The following RBMS3 variants were observed in gnomAD, a reference collection of about 807,000 sequenced individuals.
RBMS3 encodes the protein RNA binding motif single stranded interacting protein 3.
In RBMS3, 27 loss-of-function variants were observed where a neutral mutation model predicts 66.8. That is an observed-to-expected ratio of 0.40 (90% CI 0.30 to 0.56). RBMS3 has a LOEUF of 0.56. Ranked by LOEUF, RBMS3 falls within the 20% of genes least tolerant of loss-of-function variation. The probability of loss-of-function intolerance (pLI) is 0.40; values close to 1 mark genes in which losing one functional copy is unlikely to be tolerated. For missense variants in RBMS3, 513 were observed against 549.5 expected (o/e 0.93, Z 0.66); for synonymous variants, 188 against 183.0 (o/e 1.03, Z -0.22).
At chr3:29,624,226 T>C (rs9829697) in intron 4 of RBMS3, among the ~76,000 whole-genome samples, 6,219 of 152,306 alleles carry the variant, frequency 0.041, 380 homozygotes, top group East Asian at 0.31. Context: ...TTTTAAATTA[T>C]TTTAAAGTAG....
chr3:29,421,418 A>T (rs1323184154), intron 1 of RBMS3, among the ~76,000 whole-genome samples: 1 of 152,194 alleles, frequency 6.6e-6, no homozygotes, highest in African/African-American at 2.4e-5. Context: ...ATTTTTTAAA[A>T]ATCTAATTAT....
intron 4 of RBMS3, among the ~76,000 whole-genome samples, chr3:29,648,162 T>A (rs947109502): frequency 1.3e-5 from 2 of 152,114 alleles, no homozygotes; most frequent in African/African-American, 4.8e-5. Context: ...TGGATGGCAT[T>A]CAATTCTCCT....
intron 5 of RBMS3, among the ~76,000 whole-genome samples, chr3:29,744,785 GA>G (rs1553655159): frequency 0.062 from 8,609 of 138,066 alleles, 677 homozygotes; most frequent in African/African-American, 0.19. Flanking sequence ...CTCCGTCTCG[GA>G]AAAAAAAAAA....
chr3:29,822,022 G>T (rs775766427), intron 6 of RBMS3, among the ~76,000 whole-genome samples: 14 of 152,108 alleles, frequency 9.2e-5, no homozygotes, highest in Non-Finnish European at 2.1e-4. Context: ...TTCATTAATT[G>T]GGTCATTACT....
chr3:29,623,771 C>T (rs1052872327), intron 4 of RBMS3, among the ~76,000 whole-genome samples: 1 of 152,138 alleles, frequency 6.6e-6, no homozygotes, highest in African/African-American at 2.4e-5. Context: ...CCTTCATCAT[C>T]TTACTGGACA....
chr3:29,800,730 G>A (rs2057362349), intron 6 of RBMS3, among the ~76,000 whole-genome samples: 1 of 152,072 alleles, frequency 6.6e-6, no homozygotes, highest in South Asian at 2.1e-4. Flanking sequence ...AAAGTAAAGT[G>A]TAAAAACAAA....
rs555814363 is a variant in RBMS3, at chr3:29,996,683, A to G, written c.1307+5474A>G. On this transcript the variant is annotated intron_variant, in intron 14 of 14. Transcript: ENST00000383767. Reference sequence around the variant, plus strand: ...CTGAATGACTACTGGGTACATAACGAAATGAAGGCAGAAATAAAGATGTTC... The same window carrying G: ...CTGAATGACTACTGGGTACATAACGGAATGAAGGCAGAAATAAAGATGTTC... 7.2e-5 allele frequency among the ~76,000 whole-genome samples: 11 copies of G among 152,242 alleles called. No individual in the cohort carries two copies. The South Asian group carries it at 1.7e-3, about 23-fold the overall frequency.
chr3:29,562,408 A>G (rs2149050617), intron 3 of RBMS3, among the ~76,000 whole-genome samples: 1 of 152,224 alleles, frequency 6.6e-6, no homozygotes, highest in East Asian at 1.9e-4. Context: ...ATTAAAATGC[A>G]TTTAAAAATT....
intron 5 of RBMS3, among the ~76,000 whole-genome samples, chr3:29,762,657 G>T (rs1297594911): frequency 1.3e-5 from 2 of 152,154 alleles, no homozygotes; most frequent in South Asian, 2.1e-4. Context: ...ATGCCGCAGG[G>T]TTACCTCTGA....
intron 6 of RBMS3, among the ~76,000 whole-genome samples, chr3:29,859,838 C>T (rs556063293): frequency 6.6e-6 from 1 of 152,236 alleles, no homozygotes; most frequent in East Asian, 1.9e-4. Flanking sequence ...AGCTTGCCAG[C>T]TCTATATCTA....
chr3:29,587,061 A>G (rs2047542041), intron 3 of RBMS3, 53 bp from the exon 4 acceptor site: 1 of 1,367,550 alleles, frequency 7.3e-7, no homozygotes, highest in African/African-American at 1.5e-5. Context: ...ATCAGTGAAG[A>G]TAGAGATTCA....
chr3:29,772,810 G>C (rs960407993), intron 6 of RBMS3, among the ~76,000 whole-genome samples: 3 of 150,662 alleles, frequency 2.0e-5, no homozygotes, highest in Non-Finnish European at 4.4e-5. Context: ...GTGTTAAATA[G>C]AAAAAAAAAT....
chr3:29,848,433 C>T (rs35033727), intron 6 of RBMS3, among the ~76,000 whole-genome samples: 34,878 of 152,116 alleles, frequency 0.23, 5,175 homozygotes, highest in Non-Finnish European at 0.34. Context: ...TTATGATATG[C>T]TTTACATTTT....
At chr3:29,734,834 T>A (rs962942956) in intron 4 of RBMS3, among the ~76,000 whole-genome samples, 6 of 152,156 alleles carry the variant, frequency 3.9e-5, no homozygotes, top group African/African-American at 1.4e-4. Flanking sequence ...GCATTTTGCA[T>A]ATCCTTTTAT....
chr3:29,540,169 C>T (rs1446444253), intron 3 of RBMS3, among the ~76,000 whole-genome samples: 1 of 152,170 alleles, frequency 6.6e-6, no homozygotes, highest in Non-Finnish European at 1.5e-5. Flanking sequence ...GCCATACTTC[C>T]TAGTACACAT....
intron 3 of RBMS3, among the ~76,000 whole-genome samples, chr3:29,571,453 T>C (rs996687478): frequency 1.3e-5 from 2 of 152,172 alleles, no homozygotes; most frequent in South Asian, 2.1e-4. Context: ...TTTTTGTATA[T>C]GGTGAGAGAC....
chr3:29,707,625 CCTTG>C (rs1251135929), intron 4 of RBMS3, among the ~76,000 whole-genome samples: 2 of 152,152 alleles, frequency 1.3e-5, no homozygotes, highest in African/African-American at 2.4e-5. Context: ...AAAAAGTATG[CCTTG>C]CTTTTTGTCT....
chr3:29,582,012 T>G (rs1373479577), intron 3 of RBMS3, among the ~76,000 whole-genome samples: 7 of 152,176 alleles, frequency 4.6e-5, no homozygotes, highest in African/African-American at 1.7e-4. Flanking sequence ...AAAGAAACAT[T>G]TAATGAAATT....
intron 4 of RBMS3, among the ~76,000 whole-genome samples, chr3:29,681,234 A>C (rs892380322): frequency 2.6e-5 from 4 of 152,224 alleles, no homozygotes; most frequent in African/African-American, 9.7e-5. Context: ...AATTAGTGTA[A>C]GAATGAAAAA....
Sources: gnomAD v4.1 joint callset for allele counts (sites outside exome capture counted in the v4.1 genomes callset) on GRCh38, gnomAD v4.1.1 for gene constraint, MANE v1.5 for transcripts, NCBI Gene and HGNC (gene_info 2026-07-23, HGNC 2026-07-21) for gene names.